Variants in GDAP1 observed in about 807,000 individuals in gnomAD.
The protein encoded by GDAP1 is ganglioside induced differentiation associated protein 1, also known as ganglioside-induced differentiation-associated protein 1.
GDAP1 carries 34 observed loss-of-function variants against 40.1 expected under a neutral mutation model. That is an observed-to-expected ratio of 0.85 (90% CI 0.64 to 1.13). The LOEUF (loss-of-function observed/expected upper bound fraction) is 1.13, where lower values mean the gene tolerates loss of function less well. GDAP1 is among the 50% of genes most tolerant of loss of function. The pLI is 0.00. For missense variants in GDAP1, 374 were observed against 433.7 expected (o/e 0.86, Z 1.22); for synonymous variants, 170 against 157.4 (o/e 1.08, Z -0.60).
Position 74,457,725 on chromosome 8 carries a change from A to G in GDAP1, c.166-30953A>G, listed in dbSNP as rs78469648. Among the ~76,000 whole-genome samples the G allele has an allele frequency of 4.1e-3, 618 of 152,200 alleles. 4 individuals are homozygous for G. Among genetic ancestry groups the G allele is most frequent in the African/African-American group, 0.013 (556 of 41,544 alleles). On this transcript the variant is annotated intron_variant, in intron 2 of 2. Transcript: ENST00000523640. ...TTTATTTTGTCCCTTTTTCCAAAGA[A>G]GACTTAGAGAAAATTTCAGCTACTT...
At chr8:74,472,106 G>C (rs180934536) in intron 2 of GDAP1, among the ~76,000 whole-genome samples, 1 of 152,008 alleles carries the variant, frequency 6.6e-6, no homozygotes, top group South Asian at 2.1e-4. Flanking sequence ...TCCACTCTCC[G>C]ATAGTCCTCA....
intron 2 of GDAP1, among the ~76,000 whole-genome samples, chr8:74,445,909 C>G (rs1289359917): frequency 1.3e-5 from 2 of 152,076 alleles, no homozygotes; most frequent in Non-Finnish European, 2.9e-5. Context: ...CATGGCTTCT[C>G]AACATTTGGA....
chr8:74,390,882 A>G (rs1262934717), intron 2 of GDAP1, among the ~76,000 whole-genome samples: 1 of 152,214 alleles, frequency 6.6e-6, no homozygotes, highest in Non-Finnish European at 1.5e-5. Context: ...TGCCCTGCCC[A>G]GAGAGGAGGA....
chr8:74,440,489 C>T (rs1197035717), intron 2 of GDAP1, among the ~76,000 whole-genome samples: 1 of 152,070 alleles, frequency 6.6e-6, no homozygotes. Flanking sequence ...CCTAATTCCT[C>T]ATTTTCTAAG....
At chr8:74,486,217 C>T (rs1261205986) in intron 2 of GDAP1, among the ~76,000 whole-genome samples, 1 of 152,130 alleles carries the variant, frequency 6.6e-6, no homozygotes, top group Non-Finnish European at 1.5e-5. Context: ...GCCAAGAAAC[C>T]TATAGAGTTA....
intron 2 of GDAP1, among the ~76,000 whole-genome samples, chr8:74,433,639 T>G (rs1230506624): frequency 1.3e-5 from 2 of 152,316 alleles, no homozygotes; most frequent in South Asian, 2.1e-4. Context: ...TGCCTATGGT[T>G]CAACCTGGTA....
chr8:74,376,347 CT>C lies in GDAP1; in HGVS notation c.165+25045del, dbSNP rs374478811. On this transcript the variant is annotated intron_variant, in intron 2 of 2. Transcript: ENST00000523640. ...TGAGACACACTGGAGTTAGAGGGAT[CT>C]TTTTTTTTTTTTTTTTTTGAGATGG... 5.5e-3 allele frequency among the ~76,000 whole-genome samples: 704 copies of C among 126,992 alleles called. 2 individuals are homozygous for C. The highest frequency in any genetic ancestry group is 0.015 in the African/African-American group (512 of 34,320). The allele number at this position is 126,992 out of a possible 152,430, so 83.3% of individuals were successfully genotyped here.
intron 2 of GDAP1, among the ~76,000 whole-genome samples, chr8:74,374,683 G>A (rs1055673114): frequency 1.3e-5 from 2 of 151,978 alleles, no homozygotes; most frequent in African/African-American, 4.8e-5. Flanking sequence ...TACATATCCC[G>A]CAGAGTTTAA....
intron 2 of GDAP1, among the ~76,000 whole-genome samples, chr8:74,485,421 A>G (rs1331123072): frequency 6.6e-6 from 1 of 152,164 alleles, no homozygotes; most frequent in Non-Finnish European, 1.5e-5. Context: ...AGTCACTATT[A>G]ATACCTTCTT....
chr8:74,420,551 A>G (rs1316271771), intron 2 of GDAP1, among the ~76,000 whole-genome samples: 1 of 152,190 alleles, frequency 6.6e-6, no homozygotes, highest in Non-Finnish European at 1.5e-5. Context: ...CAACACAAAC[A>G]GTAACAACAG....
chr8:74,407,785 G>A (rs1480027597), intron 2 of GDAP1, among the ~76,000 whole-genome samples: 2 of 149,860 alleles, frequency 1.3e-5, no homozygotes, highest in Non-Finnish European at 2.9e-5. Flanking sequence ...TTGAGGACAA[G>A]TCCTCTGGCA....
chr8:74,458,483 C>G (rs1361123875), intron 2 of GDAP1, among the ~76,000 whole-genome samples: 1 of 152,140 alleles, frequency 6.6e-6, no homozygotes, highest in Non-Finnish European at 1.5e-5. Flanking sequence ...TTGATCTGCC[C>G]ATGCTGGGTT....
At chr8:74,459,022 T>C (rs571132200) in intron 2 of GDAP1, among the ~76,000 whole-genome samples, 72 of 152,176 alleles carry the variant, frequency 4.7e-4, no homozygotes, top group Non-Finnish European at 9.4e-4. Flanking sequence ...CTGTTTCTGG[T>C]AATTAGTTTG....
chr8:74,484,321 A>C (rs1363350612), intron 2 of GDAP1, among the ~76,000 whole-genome samples: 1 of 152,188 alleles, frequency 6.6e-6, no homozygotes, highest in African/African-American at 2.4e-5. Context: ...CAGTGAGCTT[A>C]GACATATAAA....
intron 2 of GDAP1, among the ~76,000 whole-genome samples, chr8:74,458,141 A>G (rs991701778): frequency 2.6e-5 from 4 of 152,086 alleles, no homozygotes; most frequent in African/African-American, 7.2e-5. Flanking sequence ...TCCTATTCTT[A>G]AAGAATTTTA....
chr8:74,369,756 G>A (rs545520919), downstream of GDAP1, among the ~76,000 whole-genome samples: 24 of 152,098 alleles, frequency 1.6e-4, no homozygotes, highest in Admixed American at 7.9e-4. Flanking sequence ...AAAGCCTCAC[G>A]TAGGCATATC....
intron 2 of GDAP1, among the ~76,000 whole-genome samples, chr8:74,359,225 G>C (rs757713313): frequency 6.6e-6 from 1 of 152,176 alleles, no homozygotes; most frequent in East Asian, 1.9e-4. Context: ...TTCAGCCCTT[G>C]TATCTGAGTG....
intron 2 of GDAP1, among the ~76,000 whole-genome samples, chr8:74,472,913 A>G (rs1299651232): frequency 6.6e-6 from 1 of 151,640 alleles, no homozygotes; most frequent in African/African-American, 2.4e-5. Context: ...GCACCTAGCT[A>G]ATTTTTGTAT....
chr8:74,446,444 TCCCTTGCTCAGACCATGAAGCAC>T (rs1242821064), intron 2 of GDAP1, among the ~76,000 whole-genome samples: 1 of 151,974 alleles, frequency 6.6e-6, no homozygotes, highest in East Asian at 1.9e-4. Flanking sequence ...GCATGAAGCA[TCCCTTGCTCAGACCATGAAGCAC>T]CCCTTGAGAG....
Sources: allele counts gnomAD v4.1 joint callset (sites outside exome capture counted in the v4.1 genomes callset), GRCh38; gene constraint gnomAD v4.1.1; transcripts MANE v1.5; gene names NCBI Gene and HGNC (gene_info 2026-07-23, HGNC 2026-07-21).